The following SNTG1 variants were observed in gnomAD, a reference collection of about 807,000 sequenced individuals.
SNTG1 encodes the protein gamma-1-syntrophin.
SNTG1 carries 39 observed loss-of-function variants against 74.7 expected under a neutral mutation model. That is an observed-to-expected ratio of 0.52 (90% confidence interval 0.40 to 0.68). The LOEUF (loss-of-function observed/expected upper bound fraction) is 0.68. Ranked by LOEUF, SNTG1 falls within the 30% of genes least tolerant of loss-of-function variation. SNTG1 has a pLI of 0.00. For synonymous variants in SNTG1, 254 were observed against 217.1 expected, an observed-to-expected ratio of 1.17 and a Z score of -1.49; for missense variants, 685 against 609.5, an observed-to-expected ratio of 1.12 and a Z score of -1.30.
chr8:50,498,783 C>T (rs535745080), intron 8 of SNTG1, among the ~76,000 whole-genome samples: 2 of 151,932 alleles, frequency 1.3e-5, no homozygotes, highest in South Asian at 4.1e-4. Context: ...TAAGGTATAG[C>T]TCAAAGCTCC....
intron 9 of SNTG1, among the ~76,000 whole-genome samples, chr8:50,504,423 T>A (rs1353729096): frequency 6.6e-6 from 1 of 152,204 alleles, no homozygotes; most frequent in Non-Finnish European, 1.5e-5. Context: ...TTTGTAATTT[T>A]ATTTTATTAC....
rs529488773 is a variant in SNTG1 at position 50,243,453 on chromosome 8, T to C, written c.-28+70818T>C. Among the ~76,000 whole-genome samples the C allele has an allele frequency of 5.9e-5, 9 of 152,326 alleles. No individual in the cohort carries two copies. The South Asian group carries it at 1.4e-3, about 25-fold the overall frequency. Reference sequence around the variant, plus strand: ...CTCTCATCTTTCTTTCCATCTCTACTGTATCCATCTTAGAAATAAAAACTC... The same window carrying C: ...CTCTCATCTTTCTTTCCATCTCTACCGTATCCATCTTAGAAATAAAAACTC... On this transcript the variant is annotated intron_variant, in intron 2 of 18. Coordinates refer to ENST00000642720, the MANE Select transcript of SNTG1 (RefSeq NM_018967.5).
In SNTG1 at chr8:50,432,248, C is replaced by T. The variant is rs550350531; in HGVS notation, c.163-6295C>T. On this transcript the variant is annotated intron_variant, in intron 4 of 18. Coordinates refer to ENST00000642720, the MANE Select transcript of SNTG1 (RefSeq NM_018967.5). ...TTATGGATGTCCAATTCCTCCAGCA[C>T]TGTTTGTTGGAAAAAAATATCTTTG... Among the ~76,000 whole-genome samples the T allele has an allele frequency of 3.5e-4, 53 of 152,074 alleles. 1 individual carries two copies. The South Asian group carries it at 8.9e-3, about 26-fold the overall frequency.
chr8:50,447,489 A>G (rs913526202), intron 5 of SNTG1, among the ~76,000 whole-genome samples: 2 of 152,200 alleles, frequency 1.3e-5, no homozygotes, highest in Non-Finnish European at 2.9e-5. Flanking sequence ...TTTTCCTTCT[A>G]AGAAACATAG....
chr8:50,750,974 T>C lies in SNTG1; in HGVS notation c.1285-1027T>C, dbSNP rs139654623. 2.6e-3 allele frequency among the ~76,000 whole-genome samples: 401 copies of C among 152,158 alleles called. 2 individuals are homozygous for C. The highest frequency in any genetic ancestry group is 9.3e-3 in the African/African-American group (387 of 41,544). ...TATTCTGAAAAAGATGTGAGACATATACTCTGTTCTTTCTTTACTATTTTA... is the reference window on the plus strand; with the variant it reads ...TATTCTGAAAAAGATGTGAGACATACACTCTGTTCTTTCTTTACTATTTTA... On this transcript the variant is annotated intron_variant, in intron 17 of 18. Transcript: ENST00000642720.
chr8:50,523,636 G>A (rs1433535188), intron 9 of SNTG1, among the ~76,000 whole-genome samples: 1 of 152,136 alleles, frequency 6.6e-6, no homozygotes, highest in African/African-American at 2.4e-5. Context: ...ATGTGGCGTG[G>A]TTTGTGAAGC....
At chr8:50,638,374 G>T (rs575245195) in intron 13 of SNTG1, among the ~76,000 whole-genome samples, 13 of 152,096 alleles carry the variant, frequency 8.5e-5, no homozygotes, top group African/African-American at 2.4e-4. Context: ...CTGAAAGTGA[G>T]GTGCCACTAT....
At chr8:50,284,959 T>G (rs1028237835) in intron 2 of SNTG1, among the ~76,000 whole-genome samples, 1 of 152,188 alleles carries the variant, frequency 6.6e-6, no homozygotes, top group African/African-American at 2.4e-5. Context: ...TTGGAAATGT[T>G]ATTTTGAGCC....
intron 2 of SNTG1, among the ~76,000 whole-genome samples, chr8:50,304,697 C>G (rs1244635422): frequency 6.6e-6 from 1 of 152,066 alleles, no homozygotes; most frequent in Non-Finnish European, 1.5e-5. Flanking sequence ...TAGTTCTTGA[C>G]TTATATCTTT....
rs182690453 is a variant in SNTG1 at position 50,515,434 on chromosome 8, G to A, written c.466+12554G>A. Among the ~76,000 whole-genome samples, 572 of 126,790 alleles carry A rather than the reference G, an allele frequency of 4.5e-3. 6 individuals carry two copies. Among genetic ancestry groups the A allele is most frequent in the Middle Eastern group, 0.014 (2 of 144 alleles). 83.2% of individuals were successfully genotyped at this position (126,790 alleles called of 152,430 possible). A position where few individuals can be genotyped will look rare whatever the true frequency, so the allele number is the denominator to read the frequency against. On this transcript the variant is annotated intron_variant, in intron 9 of 18. Coordinates refer to ENST00000642720, the MANE Select transcript of SNTG1 (RefSeq NM_018967.5). ...TTTTTTTGTTACTCCAGTGGATCCTGGAATGCCAATGAGACAGAACCATTC... is the reference window on the plus strand; with the variant it reads ...TTTTTTTGTTACTCCAGTGGATCCTAGAATGCCAATGAGACAGAACCATTC...
chr8:50,278,694 TA>T (rs11391165), intron 2 of SNTG1, among the ~76,000 whole-genome samples: 5 of 151,332 alleles, frequency 3.3e-5, no homozygotes, highest in South Asian at 2.1e-4. Context: ...GAAAAAATGC[TA>T]AAAAAAAATT....
intron 1 of SNTG1, among the ~76,000 whole-genome samples, chr8:50,122,668 T>C (rs1236944605): frequency 7.1e-6 from 1 of 141,810 alleles, no homozygotes; most frequent in East Asian, 2.0e-4. Flanking sequence ...AAGGAGGCAC[T>C]GTGACTTCAA....
Position 50,365,507 on chromosome 8 carries a change from A to T in SNTG1, c.-27-28705A>T, listed in dbSNP as rs1433844242. ...TTTGAAATTTGCTAGTCAAATAATA[A>T]GAAAATTTCTGATATATCTGATCTA... On this transcript the variant is annotated intron_variant, in intron 2 of 18. Coordinates refer to ENST00000642720, the MANE Select transcript of SNTG1 (RefSeq NM_018967.5). Among the ~76,000 whole-genome samples the T allele has an allele frequency of 5.9e-5, 9 of 152,158 alleles. No individual in the cohort carries two copies. In the East Asian group the frequency reaches 1.7e-3, roughly 29 times the overall value.
chr8:50,090,138 G>T (rs2079664604), intron 1 of SNTG1, among the ~76,000 whole-genome samples: 1 of 152,138 alleles, frequency 6.6e-6, no homozygotes, highest in African/African-American at 2.4e-5. Flanking sequence ...CCAGTCCTCT[G>T]CTTTTTCTTC....
intron 17 of SNTG1, among the ~76,000 whole-genome samples, chr8:50,722,607 C>T (rs932627246): frequency 4.6e-5 from 7 of 152,094 alleles, no homozygotes; most frequent in South Asian, 2.1e-4. Context: ...TTCTGCAGAA[C>T]GTATTTTTCT....
chr8:49,940,778 A>G (rs1335475777), intron 1 of SNTG1, among the ~76,000 whole-genome samples: 1 of 152,180 alleles, frequency 6.6e-6, no homozygotes, highest in African/African-American at 2.4e-5. Flanking sequence ...AGAAATATTG[A>G]ATATTTTAAG....
chr8:50,613,992 G>A (rs754808942), intron 13 of SNTG1, among the ~76,000 whole-genome samples: 4 of 152,098 alleles, frequency 2.6e-5, no homozygotes, highest in Non-Finnish European at 5.9e-5. Context: ...CTTTTAGAAT[G>A]ATGTCTATGA....
chr8:50,571,231 A>G (rs750432254), intron 12 of SNTG1, among the ~76,000 whole-genome samples: 3 of 152,280 alleles, frequency 2.0e-5, no homozygotes, highest in Middle Eastern at 6.8e-3. Flanking sequence ...CAACGCTGCT[A>G]TCTCCTTCAG....
chr8:50,717,237 C>T (rs960782349), intron 17 of SNTG1, among the ~76,000 whole-genome samples: 2 of 151,862 alleles, frequency 1.3e-5, no homozygotes, highest in African/African-American at 2.4e-5. Context: ...TTTATTCTTT[C>T]TTTCTGTGGC....
Sources: gnomAD v4.1 joint callset for allele counts (sites outside exome capture counted in the v4.1 genomes callset) on GRCh38, gnomAD v4.1.1 for gene constraint, MANE v1.5 for transcripts, NCBI Gene and HGNC (gene_info 2026-07-23, HGNC 2026-07-21) for gene names.